Variants in SLIT3 observed in about 807,000 individuals in gnomAD.
SLIT3 encodes the protein slit guidance ligand 3.
SLIT3 carries 68 observed loss-of-function variants against 184.0 expected under a neutral mutation model. The observed-to-expected ratio is 0.37, with a 90% CI of 0.30 to 0.45. SLIT3 has a LOEUF of 0.45. Ranked by LOEUF, SLIT3 falls within the 20% of genes least tolerant of loss-of-function variation. The pLI is 1.00. For missense variants in SLIT3, 1,707 were observed against 2,026.0 expected (o/e 0.84, Z 3.02); for synonymous variants, 831 against 828.6 (o/e 1.00, Z -0.05).
chr5:169,221,168 C>A (rs1012934512), intron 3 of SLIT3, among the ~76,000 whole-genome samples: 1 of 152,208 alleles, frequency 6.6e-6, no homozygotes, highest in African/African-American at 2.4e-5. Context: ...TTTCTGATTT[C>A]TTTGTATAAT....
chr5:169,135,997 T>C (rs1761488673), intron 4 of SLIT3, among the ~76,000 whole-genome samples: 2 of 152,118 alleles, frequency 1.3e-5, no homozygotes, highest in Admixed American at 6.6e-5. Flanking sequence ...ATACACAAAC[T>C]CCTTTCTTTT....
intron 4 of SLIT3, among the ~76,000 whole-genome samples, chr5:169,021,845 C>T (rs998612570): frequency 6.6e-6 from 1 of 152,198 alleles, no homozygotes; most frequent in African/African-American, 2.4e-5. Flanking sequence ...CTCACCATGG[C>T]AGCCTCTATC....
chr5:168,811,555 CAG>C (rs1410191732), intron 8 of SLIT3, among the ~76,000 whole-genome samples: 2 of 152,206 alleles, frequency 1.3e-5, no homozygotes, highest in Non-Finnish European at 2.9e-5. Context: ...AGAGCAGGCT[CAG>C]GGACTGAGAC....
intron 14 of SLIT3, chr5:168,772,333 C>T (rs537250984): frequency 8.1e-5 from 15 of 184,342 alleles, no homozygotes; most frequent in African/African-American, 1.9e-4. Context: ...GGTCTGTCTC[C>T]GAAGGGAGTG....
In SLIT3 at chr5:168,810,457, C is replaced by T. The variant is rs533562230; in HGVS notation, c.794-3870G>A. Among the ~76,000 whole-genome samples the T allele has an allele frequency of 1.7e-3, 258 of 152,328 alleles. 5 individuals carry two copies. The highest frequency in any genetic ancestry group is 0.01 in the Middle Eastern group (3 of 294). ...GATGTTTTGATTAGGAGCATGTGGA[C>T]TTGCTCTGCATGTCTTCATTTTTAA... On this transcript the variant is annotated intron_variant, in intron 8 of 35. Transcript: ENST00000519560.
At chr5:169,154,156 T>A (rs1762218861) in intron 4 of SLIT3, among the ~76,000 whole-genome samples, 1 of 152,088 alleles carries the variant, frequency 6.6e-6, no homozygotes, top group African/African-American at 2.4e-5. Context: ...GTATTTTTAG[T>A]AGAGACGGGG....
intron 12 of SLIT3, among the ~76,000 whole-genome samples, chr5:168,776,563 A>G (rs992847076): frequency 3.3e-5 from 5 of 152,138 alleles, no homozygotes; most frequent in African/African-American, 1.2e-4. Flanking sequence ...AGCATGCTGG[A>G]AGCGGTTATG....
At chr5:169,249,318 G>A (rs1049629260) in intron 2 of SLIT3, among the ~76,000 whole-genome samples, 1 of 152,032 alleles carries the variant, frequency 6.6e-6, no homozygotes, top group African/African-American at 2.4e-5. Flanking sequence ...GTAGGGGAAG[G>A]CTTTTTGGCA....
At position 169,203,337 on chromosome 5, in the gene SLIT3, G is replaced by A. The variant is rs527589626; in HGVS notation, c.342-9787C>T. Among the ~76,000 whole-genome samples the A allele has an allele frequency of 2.3e-4, 33 of 145,602 alleles. 1 individual carries two copies. The East Asian group carries it at 2.3e-3, about 10-fold the overall frequency. On this transcript the variant is annotated intron_variant, in intron 3 of 35. Transcript: ENST00000519560. ...GGTGGAAGAAAGCACATATTTATGC[G>A]TGCATGTGAATGTGCACACACACAC...
chr5:168,759,298 T>C (rs1393850019), intron 16 of SLIT3, among the ~76,000 whole-genome samples: 2 of 152,222 alleles, frequency 1.3e-5, no homozygotes, highest in Non-Finnish European at 2.9e-5. Flanking sequence ...TTTATCAACC[T>C]ATCGACGTAT....
intron 4 of SLIT3, among the ~76,000 whole-genome samples, chr5:169,121,766 G>A (rs1343701612): frequency 6.6e-6 from 1 of 152,200 alleles, no homozygotes; most frequent in Non-Finnish European, 1.5e-5. Flanking sequence ...AGTGGTTCTT[G>A]TGCATAAAAC....
At chr5:168,824,590 G>C (rs1449041724) in intron 6 of SLIT3, among the ~76,000 whole-genome samples, 2 of 152,202 alleles carry the variant, frequency 1.3e-5, no homozygotes, top group East Asian at 1.9e-4. Flanking sequence ...CCCAGGTGGA[G>C]AGACATAATA....
At chr5:168,990,302 G>C (rs1426673670) in intron 4 of SLIT3, among the ~76,000 whole-genome samples, 1 of 152,218 alleles carries the variant, frequency 6.6e-6, no homozygotes, top group African/African-American at 2.4e-5. Flanking sequence ...GGGTGAGGGT[G>C]GGACAGGGTA....
chr5:168,751,128 GC>G (rs1754682653), intron 18 of SLIT3, among the ~76,000 whole-genome samples: 1 of 152,074 alleles, frequency 6.6e-6, no homozygotes, highest in African/African-American at 2.4e-5. Context: ...TGGGAAAATG[GC>G]GAGGAGCCCC....
chr5:169,271,355 T>C (rs1020291970), intron 1 of SLIT3, among the ~76,000 whole-genome samples: 1 of 152,110 alleles, frequency 6.6e-6, no homozygotes, highest in Non-Finnish European at 1.5e-5. Context: ...CTGAGATGAG[T>C]CTCCTACGCT....
intron 3 of SLIT3, among the ~76,000 whole-genome samples, chr5:169,222,010 T>C (rs1026281456): frequency 3.3e-5 from 5 of 152,206 alleles, no homozygotes; most frequent in South Asian, 2.1e-4. Context: ...GGTTGAGCCA[T>C]GCAAGTTAAT....
At chr5:168,888,198 T>C (rs762897110) in intron 4 of SLIT3, among the ~76,000 whole-genome samples, 13 of 152,212 alleles carry the variant, frequency 8.5e-5, no homozygotes, top group Non-Finnish European at 7.3e-5. Context: ...GGTGAAGTCT[T>C]GGCCTTAGCC....
At chr5:169,187,927 C>T (rs116807192) in intron 4 of SLIT3, among the ~76,000 whole-genome samples, 633 of 152,056 alleles carry the variant, frequency 4.2e-3, no homozygotes, top group Non-Finnish European at 6.8e-3. Context: ...TCCGCCCTGC[C>T]GCAAGCTCTC....
At chr5:168,696,125 G>T (rs528478442) in intron 28 of SLIT3, among the ~76,000 whole-genome samples, 167 bp downstream of exon 28, 1 of 152,164 alleles carries the variant, frequency 6.6e-6, no homozygotes, top group African/African-American at 2.4e-5. Context: ...TGGAGGACAC[G>T]GAGAAGCAAA....
Sources: gnomAD v4.1 joint callset for allele counts (sites outside exome capture counted in the v4.1 genomes callset) on GRCh38, gnomAD v4.1.1 for gene constraint, MANE v1.5 for transcripts, NCBI Gene and HGNC (gene_info 2026-07-23, HGNC 2026-07-21) for gene names.